B4GALT1: variants seen among roughly 807,000 people sequenced by gnomAD.
B4GALT1 encodes beta-1,4-galactosyltransferase 1.
A neutral mutation model predicts 34.9 loss-of-function variants in B4GALT1; 16 were observed. The observed-to-expected ratio is 0.46, with a 90% CI of 0.31 to 0.70. B4GALT1 has a LOEUF of 0.70. Ranked by LOEUF, B4GALT1 falls within the 30% of genes least tolerant of loss-of-function variation. The pLI, the probability that B4GALT1 is intolerant of heterozygous loss-of-function variation, is 0.05. For missense variants in B4GALT1, 445 were observed against 530.5 expected (o/e 0.84, Z 1.58); for synonymous variants, 221 against 218.1 (o/e 1.01, Z -0.12).
At chr9:33,121,537 T>G (rs550553564) in intron 2 of B4GALT1, among the ~76,000 whole-genome samples, 2 of 151,408 alleles carry the variant, frequency 1.3e-5, no homozygotes, top group East Asian at 1.9e-4. Context: ...TTTTTTTTTT[T>G]TTTTTTTTTA....
chr9:33,120,825 T>C (rs753204542), intron 2 of B4GALT1, among the ~76,000 whole-genome samples: 10 of 152,204 alleles, frequency 6.6e-5, no homozygotes, highest in East Asian at 1.9e-4. Flanking sequence ...TGTGTGTGAA[T>C]GACTATGAAC....
chr9:33,116,193 T>TA (rs1480552510), intron 3 of B4GALT1, 80 bp from the exon 4 acceptor site: 63 of 1,499,286 alleles, frequency 4.2e-5, no homozygotes, highest in African/African-American at 1.1e-4. Flanking sequence ...GCTGAGAACA[T>TA]AAACACTTTT....
At chr9:33,125,367 T>C (rs1043971995) in intron 2 of B4GALT1, among the ~76,000 whole-genome samples, 2 of 152,066 alleles carry the variant, frequency 1.3e-5, no homozygotes, top group African/African-American at 4.8e-5. Context: ...TCACCGAGGC[T>C]GGGGAGAAGG....
At chr9:33,176,524 A>G in the B4GALT1 span, among the ~76,000 whole-genome samples, 1 of 152,202 alleles carries the variant, frequency 6.6e-6, no homozygotes, top group Non-Finnish European at 1.5e-5. Flanking sequence ...TCTTACAACC[A>G]TAGAAAAGAA....
At chr9:33,114,720 G>T (rs1839914890) in intron 4 of B4GALT1, among the ~76,000 whole-genome samples, 1 of 152,240 alleles carries the variant, frequency 6.6e-6, no homozygotes, top group East Asian at 1.9e-4. Context: ...GAGCAGGACA[G>T]CAAAGTTAGT....
chr9:33,173,941 G>A, the B4GALT1 span, among the ~76,000 whole-genome samples: 1 of 152,014 alleles, frequency 6.6e-6, no homozygotes, highest in Non-Finnish European at 1.5e-5. Context: ...ATTACCAGTT[G>A]AACAAAATAA....
chr9:33,167,215 GCGACCCGCCCGCGGGCCGCC>G lies in B4GALT1; in HGVS notation c.-66_-47del. 6.7e-7 allele frequency: 1 copy of G among 1,499,852 alleles called. No homozygotes were observed. The highest frequency in any genetic ancestry group is 2.5e-5 in the East Asian group (1 of 40,662). 92.9% of individuals were successfully genotyped at this position (1,499,852 alleles called of 1,614,324 possible). The stretch of plus-strand genomic sequence containing the variant: ...AAGGGTGTGGGCTACAGGAGGGGAG[GCGACCCGCCCGCGGGCCGCC>G]CGCCAGGCGCTGCCCCACAGCGGCG... On this transcript the variant is annotated 5_prime_UTR_variant, in exon 1 of 6. Coordinates refer to ENST00000379731, the MANE Select transcript of B4GALT1 (RefSeq NM_001497.4).
chr9:33,117,732 C>T (rs905260429), intron 3 of B4GALT1, among the ~76,000 whole-genome samples: 1 of 152,246 alleles, frequency 6.6e-6, no homozygotes, highest in Non-Finnish European at 1.5e-5. Flanking sequence ...AGGGGGTCTG[C>T]TTTAATGAAC....
At position 33,135,318 on chromosome 9, in the gene B4GALT1, G is replaced by A. The variant is rs779975893; in HGVS notation, c.519C>T (p.Val173=). Residue 173 remains valine, a synonymous_variant, in exon 2 of 6, where the codon GTC becomes GTT. Coordinates refer to ENST00000379731, the MANE Select transcript of B4GALT1 (RefSeq NM_001497.4). ...TGATGATGGCCACCTTGTGAGGAGA[G>A]ACGCAGTCCCTGGGGGCATAGCGGC... The part of the protein sequence containing the change: ...MGGRYAPRDC[V]SPHKVAIIIP... 1.9e-6 allele frequency: 3 copies of A among 1,614,218 alleles called. No individual in the cohort carries two copies. Among genetic ancestry groups the A allele is most frequent in the South Asian group, 2.2e-5 (2 of 91,090 alleles).
chr9:33,161,808 T>A (rs1840679017), intron 1 of B4GALT1, among the ~76,000 whole-genome samples: 1 of 152,180 alleles, frequency 6.6e-6, no homozygotes, highest in South Asian at 2.1e-4. Context: ...CTCTGCTTCT[T>A]CATAGTAAGA....
At chr9:33,132,440 C>A (rs906798586) in intron 2 of B4GALT1, among the ~76,000 whole-genome samples, 1 of 152,208 alleles carries the variant, frequency 6.6e-6, no homozygotes. Context: ...AAAGGCTCTG[C>A]GGGAATGAGA....
intron 1 of B4GALT1, among the ~76,000 whole-genome samples, chr9:33,165,573 C>T (rs1405418892): frequency 3.3e-5 from 5 of 152,200 alleles, no homozygotes; most frequent in African/African-American, 1.2e-4. Context: ...AACACATTGA[C>T]GCAATTACTG....
chr9:33,138,079 G>C, intron 1 of B4GALT1, among the ~76,000 whole-genome samples: 1 of 152,342 alleles, frequency 6.6e-6, no homozygotes, highest in East Asian at 1.9e-4. Flanking sequence ...CGACTTGCTC[G>C]TACCTTCTGA....
intron 1 of B4GALT1, among the ~76,000 whole-genome samples, chr9:33,153,970 G>C (rs1463026490): frequency 6.8e-6 from 1 of 147,742 alleles, no homozygotes; most frequent in African/African-American, 2.5e-5. Context: ...GGGAAGGGGA[G>C]GGGAGAGGAG....
intron 1 of B4GALT1, among the ~76,000 whole-genome samples, chr9:33,140,932 G>A (rs144731810): frequency 2.0e-5 from 3 of 152,334 alleles, no homozygotes; most frequent in East Asian, 1.9e-4. Flanking sequence ...TGGCTCACCC[G>A]TCATTCTGGG....
chr9:33,127,198 A>T (rs574486348), intron 2 of B4GALT1, among the ~76,000 whole-genome samples: 3 of 151,992 alleles, frequency 2.0e-5, no homozygotes, highest in Admixed American at 6.6e-5. Context: ...CTCCTGACCT[A>T]GTGATCCGCC....
rs147070468 is a variant in B4GALT1, at chr9:33,113,788, T to C, written c.1050A>G (p.Glu350=). Residue 350 remains glutamate, a synonymous_variant, in exon 5 of 6, where the codon GAA becomes GAG. Coordinates refer to ENST00000379731, the MANE Select transcript of B4GALT1 (RefSeq NM_001497.4). ...AAAGAATGCACCTCTGAGGATTGGG[T>C]TCATTTTTCTTGTCTCTTGAGTGGC... ...MIRHSRDKKN[E]PNPQRFDRIA... 4,250 of 1,614,136 alleles carry C rather than the reference T, an allele frequency of 2.6e-3. 18 individuals carry two copies. Among genetic ancestry groups the C allele is most frequent in the South Asian group, 8.6e-3 (783 of 91,080 alleles).
At chr9:33,119,062 A>G (rs1839983209) in intron 3 of B4GALT1, among the ~76,000 whole-genome samples, 1 of 152,082 alleles carries the variant, frequency 6.6e-6, no homozygotes, top group African/African-American at 2.4e-5. Context: ...GGGTTTCACC[A>G]TGCTGGTCAG....
the B4GALT1 span, among the ~76,000 whole-genome samples, chr9:33,177,002 T>C: frequency 6.6e-6 from 1 of 152,216 alleles, no homozygotes; most frequent in Non-Finnish European, 1.5e-5. Flanking sequence ...TTAGAATTAA[T>C]ATTCCCTCTA....
Sources: gnomAD v4.1 joint callset for allele counts (sites outside exome capture counted in the v4.1 genomes callset) on GRCh38, gnomAD v4.1.1 for gene constraint, MANE v1.5 for transcripts, NCBI Gene and HGNC (gene_info 2026-07-23, HGNC 2026-07-21) for gene names.